MTUS2: variants seen among roughly 807,000 people sequenced by gnomAD.
MTUS2 encodes the protein microtubule associated scaffold protein 2.
A neutral mutation model predicts 114.1 loss-of-function variants in MTUS2; 40 were observed. That is an observed-to-expected ratio of 0.35 (90% CI 0.27 to 0.46). The LOEUF (loss-of-function observed/expected upper bound fraction) is 0.46, where lower values mean the gene tolerates loss of function less well. Among genes scored for constraint, MTUS2 ranks in the 20% least tolerant of loss-of-function variants. The pLI, the probability that MTUS2 is intolerant of heterozygous loss-of-function variation, is 1.00. For missense variants in MTUS2, 1,679 were observed against 1,705.4 expected (o/e 0.98, Z 0.27); for synonymous variants, 688 against 672.0 (o/e 1.02, Z -0.37).
At chr13:28,839,590 T>C (rs1005932507) in intron 1 of MTUS2, among the ~76,000 whole-genome samples, 188 bp from the exon 2 acceptor site, 1 of 152,184 alleles carries the variant, frequency 6.6e-6, no homozygotes, top group African/African-American at 2.4e-5. Context: ...ACTCAGCTAA[T>C]GGAAAAAATG....
chr13:29,461,724 A>G (rs1040031629), intron 9 of MTUS2, among the ~76,000 whole-genome samples: 1 of 152,234 alleles, frequency 6.6e-6, no homozygotes, highest in Non-Finnish European at 1.5e-5. Flanking sequence ...AGAATTTAAT[A>G]TAAAGAATTG....
chr13:28,833,890 C>A (rs949412652), intron 1 of MTUS2, among the ~76,000 whole-genome samples: 2 of 151,854 alleles, frequency 1.3e-5, no homozygotes, highest in African/African-American at 2.4e-5. Context: ...TCTGCACTTA[C>A]AATTAATATG....
At chr13:28,856,627 C>T (rs745835933) in intron 2 of MTUS2, among the ~76,000 whole-genome samples, 1 of 152,180 alleles carries the variant, frequency 6.6e-6, no homozygotes, top group Non-Finnish European at 1.5e-5. Flanking sequence ...TGCAAATTTG[C>T]AGAACTCTGC....
intron 5 of MTUS2, among the ~76,000 whole-genome samples, chr13:29,141,260 G>A (rs1175543122): frequency 1.3e-5 from 2 of 152,200 alleles, no homozygotes; most frequent in African/African-American, 4.8e-5. Context: ...TCAGAATGCA[G>A]TGTGGTAAGT....
chr13:29,430,439 A>G (rs1876904069), intron 8 of MTUS2, among the ~76,000 whole-genome samples: 1 of 152,200 alleles, frequency 6.6e-6, no homozygotes, highest in Non-Finnish European at 1.5e-5. Context: ...TCTCTTTAGC[A>G]GTATGATGTT....
At chr13:28,837,325 C>T (rs1022293775) in intron 1 of MTUS2, among the ~76,000 whole-genome samples, 2 of 152,184 alleles carry the variant, frequency 1.3e-5, no homozygotes, top group South Asian at 4.1e-4. Flanking sequence ...GTGCAGAGTT[C>T]ACGTCCTCAA....
Position 29,482,189 on chromosome 13 carries a change from C to T in MTUS2, c.3399+1825C>T, listed in dbSNP as rs150066042. ...TGAGGAGGAGACGTAAGAGGTGGTC[C>T]GCAGGCAGGAGACCCTGAACGAAGC... On this transcript the variant is annotated intron_variant, in intron 10 of 15. Coordinates refer to ENST00000612955, the MANE Select transcript of MTUS2 (RefSeq NM_001033602.4). The T allele has an allele frequency of 4.7e-3, 714 of 152,242 alleles. 2 individuals carry two copies. Among genetic ancestry groups the T allele is most frequent in the African/African-American group, 6.2e-3 (256 of 41,518 alleles). The allele number at this position is 152,242 out of a possible 1,614,324, so 9.4% of individuals were successfully genotyped here.
At chr13:29,180,529 T>TTGGACATTTATGGGCATAGG (rs1257901698) in intron 5 of MTUS2, among the ~76,000 whole-genome samples, 7 of 152,238 alleles carry the variant, frequency 4.6e-5, no homozygotes, top group African/African-American at 1.7e-4. Context: ...CCTGGGAGAA[T>TTGGACATTTATGGGCATAGG]TGGACATTTA....
intron 9 of MTUS2, among the ~76,000 whole-genome samples, chr13:29,448,523 A>G (rs1042083872): frequency 6.6e-6 from 1 of 151,324 alleles, no homozygotes; most frequent in Non-Finnish European, 1.5e-5. Flanking sequence ...ATATTGCCCA[A>G]TTCACCTGCA....
At chr13:29,288,603 G>A (rs899112295) in intron 6 of MTUS2, among the ~76,000 whole-genome samples, 1 of 152,188 alleles carries the variant, frequency 6.6e-6, no homozygotes. Flanking sequence ...GTTAGGTGGT[G>A]GGGGTGGCAC....
Position 28,850,920 on chromosome 13 carries a change from G to A in MTUS2, c.-243+11070G>A, listed in dbSNP as rs558565935. ...AGAATTCAGTTGCCTGTTTACCATG[G>A]TTTCATTTATTTTTAGATGAAAATT... is the stretch of plus-strand genomic sequence containing the variant. On this transcript the variant is annotated intron_variant, in intron 2 of 15. Coordinates refer to ENST00000612955, the MANE Select transcript of MTUS2 (RefSeq NM_001033602.4). Among the ~76,000 whole-genome samples the A allele has an allele frequency of 2.0e-5, 3 of 152,228 alleles. No individual in the cohort carries two copies. In the East Asian group the frequency reaches 5.8e-4, roughly 29 times the overall value.
At chr13:29,248,428 G>A (rs972337140) in intron 5 of MTUS2, among the ~76,000 whole-genome samples, 3 of 151,954 alleles carry the variant, frequency 2.0e-5, no homozygotes, top group Admixed American at 2.0e-4. Context: ...CAAAGTATAC[G>A]ATACCCTGTA....
intron 2 of MTUS2, among the ~76,000 whole-genome samples, chr13:28,944,448 G>A (rs765542418): frequency 3.3e-5 from 5 of 152,030 alleles, no homozygotes; most frequent in Non-Finnish European, 7.4e-5. Flanking sequence ...CTAAATTTTA[G>A]GTATAGATAT....
At chr13:29,187,304 CA>C (rs1368829220) in intron 5 of MTUS2, among the ~76,000 whole-genome samples, 1 of 151,488 alleles carries the variant, frequency 6.6e-6, no homozygotes, top group East Asian at 1.9e-4. Flanking sequence ...AAAATGAAAC[CA>C]AAAGTTGGTT....
In MTUS2 at chr13:28,904,247, A is replaced by G. The variant is rs1414870951; in HGVS notation, c.-243+64397A>G. Reference sequence around the variant, plus strand: ...CTGATGGTAGTTTCTTTTGCTGTGCAGAAGCTCTTTAGTTTAATTAGATTC... The same window carrying G: ...CTGATGGTAGTTTCTTTTGCTGTGCGGAAGCTCTTTAGTTTAATTAGATTC... On this transcript the variant is annotated intron_variant, in intron 2 of 15. Transcript: ENST00000612955. 2.6e-5 allele frequency among the ~76,000 whole-genome samples: 4 copies of G among 152,284 alleles called. No individual in the cohort carries two copies. In the East Asian group the frequency reaches 7.7e-4, roughly 29 times the overall value.
At chr13:29,478,012 C>A (rs149316334) in intron 9 of MTUS2, among the ~76,000 whole-genome samples, 1 of 152,166 alleles carries the variant, frequency 6.6e-6, no homozygotes. Context: ...GCCAAACAGG[C>A]ATAAGCTCAA....
intron 5 of MTUS2, among the ~76,000 whole-genome samples, chr13:29,155,123 G>A (rs1472281719): frequency 6.6e-6 from 1 of 152,190 alleles, no homozygotes; most frequent in East Asian, 1.9e-4. Context: ...TGGTTAGGAA[G>A]GTTGATAAAG....
chr13:29,347,578 G>C (rs77674181), intron 7 of MTUS2, among the ~76,000 whole-genome samples: 1 of 151,202 alleles, frequency 6.6e-6, no homozygotes, highest in African/African-American at 2.4e-5. Flanking sequence ...GACACGACAC[G>C]TGTGGGGTTT....
chr13:29,046,382 T>C (rs1156653833), intron 4 of MTUS2, among the ~76,000 whole-genome samples: 1 of 152,210 alleles, frequency 6.6e-6, no homozygotes, highest in Non-Finnish European at 1.5e-5. Context: ...TCTCAAAGCG[T>C]TGGGATCACA....
Sources: allele counts gnomAD v4.1 joint callset (sites outside exome capture counted in the v4.1 genomes callset), GRCh38; gene constraint gnomAD v4.1.1; transcripts MANE v1.5; gene names NCBI Gene and HGNC (gene_info 2026-07-23, HGNC 2026-07-21).